IGFL2: variants seen among roughly 807,000 people sequenced by gnomAD.
IGFL2 encodes the protein IGF like family member 2.
Under a neutral mutation model 13.9 loss-of-function variants are expected in IGFL2, and 7 were observed. That is an observed-to-expected ratio of 0.51 (90% confidence interval 0.29 to 0.95). The LOEUF is 0.95. Among genes scored for constraint, IGFL2 ranks in the 40% least tolerant of loss-of-function variants. The pLI, the probability that IGFL2 is intolerant of heterozygous loss-of-function variation, is 0.08. For missense variants in IGFL2, 138 were observed against 147.8 expected (o/e 0.93, Z 0.34); for synonymous variants, 55 against 55.8 (o/e 0.99, Z 0.07).
the IGFL2 span, among the ~76,000 whole-genome samples, chr19:46,178,741 C>CACCAATG: frequency 8.3e-4 from 126 of 152,254 alleles, 2 homozygotes; most frequent in Middle Eastern, 0.017. Context: ...TCTTTGAATC[C>CACCAATG]ACCCATAAGC....
downstream of IGFL2, among the ~76,000 whole-genome samples, chr19:46,162,410 C>T (rs1307327159): frequency 6.6e-6 from 1 of 152,220 alleles, no homozygotes; most frequent in Non-Finnish European, 1.5e-5. Context: ...CTTTCTCCCT[C>T]TCCCTTTCAG....
chr19:46,177,305 A>T, the IGFL2 span, among the ~76,000 whole-genome samples: 1 of 152,094 alleles, frequency 6.6e-6, no homozygotes, highest in African/African-American at 2.4e-5. Flanking sequence ...AGGTGGGAGG[A>T]TCACTTGAGC....
At chr19:46,105,589 A>G in the IGFL2 span, among the ~76,000 whole-genome samples, 1 of 152,208 alleles carries the variant, frequency 6.6e-6, no homozygotes, top group South Asian at 2.1e-4. Flanking sequence ...GGCCAGGAAC[A>G]ATGGTAATCG....
the IGFL2 span, chr19:46,181,123 G>C: frequency 6.6e-6 from 1 of 152,226 alleles, no homozygotes; most frequent in Non-Finnish European, 1.5e-5. Flanking sequence ...AGTAAGGAGA[G>C]AAATCAAACA....
the IGFL2 span, among the ~76,000 whole-genome samples, chr19:46,105,173 GA>G: frequency 6.6e-6 from 1 of 152,154 alleles, no homozygotes; most frequent in Non-Finnish European, 1.5e-5. Flanking sequence ...AATGATGGAG[GA>G]CCCTTGTGTA....
the IGFL2 span, among the ~76,000 whole-genome samples, chr19:46,134,197 C>G: frequency 6.6e-6 from 1 of 152,164 alleles, no homozygotes; most frequent in Admixed American, 6.5e-5. Context: ...TGGTTGTCTC[C>G]TAAGACCAGT....
At chr19:46,183,303 T>G in the IGFL2 span, among the ~76,000 whole-genome samples, 1 of 152,152 alleles carries the variant, frequency 6.6e-6, no homozygotes, top group Non-Finnish European at 1.5e-5. Context: ...CATGTAGGAT[T>G]ACAATTCGAG....
the IGFL2 span, chr19:46,181,431 A>G: frequency 6.6e-6 from 1 of 152,228 alleles, no homozygotes; most frequent in African/African-American, 2.4e-5. Flanking sequence ...TTGTTTTTCT[A>G]TAAGTTGCTT....
the IGFL2 span, among the ~76,000 whole-genome samples, chr19:46,168,934 G>GTA: frequency 1.3e-4 from 20 of 151,672 alleles, no homozygotes; most frequent in Middle Eastern, 6.8e-3. Flanking sequence ...GTGTGTGTGT[G>GTA]TGTGTATGTG....
At chr19:46,098,280 C>A in the IGFL2 span, among the ~76,000 whole-genome samples, 1 of 151,992 alleles carries the variant, frequency 6.6e-6, no homozygotes, top group Non-Finnish European at 1.5e-5. Context: ...TTTTTTGAAC[C>A]TTGCTGGTTT....
chr19:46,160,255 T>C (rs1974077465), intron 1 of IGFL2, 160 bp from the exon 2 acceptor site: 2 of 652,206 alleles, frequency 3.1e-6, no homozygotes, highest in South Asian at 1.9e-5. Flanking sequence ...GTCTGGACTC[T>C]TAACTGTGTC....
chr19:46,168,689 C>T, the IGFL2 span, among the ~76,000 whole-genome samples: 19 of 152,162 alleles, frequency 1.2e-4, no homozygotes, highest in Non-Finnish European at 2.1e-4. Context: ...CTTTAAACAT[C>T]CACTTGTAAC....
chr19:46,131,877 T>G, the IGFL2 span, among the ~76,000 whole-genome samples: 4 of 152,156 alleles, frequency 2.6e-5, 1 homozygote, highest in Admixed American at 2.6e-4. Flanking sequence ...AGGTGGAGGT[T>G]GCAGTGAGCC....
At chr19:46,160,030 A>G (rs890449343) in intron 1 of IGFL2, 2 of 272,124 alleles carry the variant, frequency 7.3e-6, no homozygotes, top group Non-Finnish European at 1.4e-5. Flanking sequence ...CTCCAAGACA[A>G]TCCTGCACCC....
downstream of IGFL2, among the ~76,000 whole-genome samples, chr19:46,161,498 C>G (rs1314889259): frequency 1.3e-5 from 2 of 152,118 alleles, no homozygotes; most frequent in South Asian, 2.1e-4. Context: ...CTCTATTAAT[C>G]TATGTGCTTC....
the IGFL2 span, among the ~76,000 whole-genome samples, chr19:46,188,623 T>C: frequency 1.3e-5 from 2 of 152,170 alleles, no homozygotes; most frequent in African/African-American, 2.4e-5. Context: ...GGTTCTGTGT[T>C]CCATGACCAA....
the IGFL2 span, among the ~76,000 whole-genome samples, chr19:46,083,224 G>A: frequency 0.1 from 15,561 of 152,152 alleles, 1,094 homozygotes; most frequent in African/African-American, 0.19. Flanking sequence ...AAAGACATAC[G>A]TATAAGACTA....
chr19:46,160,826 G>T lies in IGFL2; in HGVS notation c.286G>T (p.Val96Phe). ...AAACGATTTTGTTGTGAAGCTGAAGGTTCAGGGTGTGAATTCCCAGTGCCA... is the reference window on the plus strand; with the variant it reads ...AAACGATTTTGTTGTGAAGCTGAAGTTTCAGGGTGTGAATTCCCAGTGCCA... ...LTNDFVVKLK[V>F]QGVNSQCHSS... Residue 96 changes from valine (V) to phenylalanine (F), a missense_variant, in exon 3 of 4, where the codon GTT (valine) becomes TTT (phenylalanine). Coordinates refer to ENST00000377693, the MANE Select transcript of IGFL2 (RefSeq NM_001135113.2). 1 of 1,613,944 alleles carries T rather than the reference G, an allele frequency of 6.2e-7. No homozygotes were observed. The highest frequency in any genetic ancestry group is 8.5e-7 in the Non-Finnish European group (1 of 1,179,880).
chr19:46,129,731 G>A, the IGFL2 span, among the ~76,000 whole-genome samples: 23 of 152,232 alleles, frequency 1.5e-4, no homozygotes, highest in South Asian at 3.7e-3. Context: ...GAGAGTGGTT[G>A]TTATGATTTC....
Sources: allele counts gnomAD v4.1 joint callset (sites outside exome capture counted in the v4.1 genomes callset), GRCh38; gene constraint gnomAD v4.1.1; transcripts MANE v1.5; gene names NCBI Gene and HGNC (gene_info 2026-07-23, HGNC 2026-07-21).